CSMD1: variants seen among roughly 807,000 people sequenced by gnomAD.
The protein encoded by CSMD1 is CUB and sushi domain-containing protein 1.
A neutral mutation model predicts 417.5 loss-of-function variants in CSMD1; 213 were observed. The observed-to-expected ratio is 0.51, with a 90% CI of 0.46 to 0.57. The LOEUF (loss-of-function observed/expected upper bound fraction) is 0.57. CSMD1 is among the 20% of genes least tolerant of loss of function. The probability of loss-of-function intolerance (pLI) is 0.00; values close to 1 mark genes in which losing one functional copy is unlikely to be tolerated. For missense variants in CSMD1, 6,923 were observed against 4,529.7 expected, an observed-to-expected ratio of 1.53 and a Z score of -15.17; for synonymous variants, 2,862 against 1,736.8, an observed-to-expected ratio of 1.65 and a Z score of -16.11.
chr8:4,913,874 G>A (rs1016181852), intron 1 of CSMD1, among the ~76,000 whole-genome samples: 3 of 152,124 alleles, frequency 2.0e-5, no homozygotes, highest in African/African-American at 7.2e-5. Flanking sequence ...ATTATTGTTT[G>A]GATGGAACCC....
At chr8:4,445,718 G>A (rs1181246683) in intron 2 of CSMD1, among the ~76,000 whole-genome samples, 1 of 152,130 alleles carries the variant, frequency 6.6e-6, no homozygotes, top group Non-Finnish European at 1.5e-5. Flanking sequence ...TCTATTTGGG[G>A]GCGTAACGTT....
rs556742809 is a variant in CSMD1, at chr8:4,874,552, G to T, written c.85+119780C>A. Among the ~76,000 whole-genome samples, 3 of 151,696 alleles carry T rather than the reference G, an allele frequency of 2.0e-5. No homozygotes were observed. In the East Asian group the frequency reaches 5.8e-4, roughly 30 times the overall value. Reference sequence around the variant, plus strand: ...TTACGGGTGCCTGCCACCTCTCCCGGCTAATTTTTGTATTTTTTAGTAAAG... The same window carrying T: ...TTACGGGTGCCTGCCACCTCTCCCGTCTAATTTTTGTATTTTTTAGTAAAG... On this transcript the variant is annotated intron_variant, in intron 1 of 69. Coordinates refer to ENST00000635120, the MANE Select transcript of CSMD1 (RefSeq NM_033225.6).
chr8:3,454,564 A>C (rs909163614), intron 12 of CSMD1, among the ~76,000 whole-genome samples: 33 of 152,232 alleles, frequency 2.2e-4, no homozygotes, highest in African/African-American at 7.5e-4. Flanking sequence ...TTTCTCCTTC[A>C]CTTAAGAAAC....
intron 11 of CSMD1, among the ~76,000 whole-genome samples, chr8:3,491,098 G>C (rs1480024354): frequency 3.9e-5 from 6 of 152,240 alleles, no homozygotes; most frequent in Middle Eastern, 3.4e-3. Context: ...TACATACAAA[G>C]ATATTCACTT....
intron 4 of CSMD1, among the ~76,000 whole-genome samples, chr8:4,010,753 C>G (rs1351527422): frequency 6.6e-6 from 1 of 152,180 alleles, no homozygotes; most frequent in Non-Finnish European, 1.5e-5. Flanking sequence ...CCTTAGGGCT[C>G]ATGGCCTAAT....
chr8:3,043,449 C>T (rs1020226019), intron 50 of CSMD1, among the ~76,000 whole-genome samples: 1 of 151,952 alleles, frequency 6.6e-6, no homozygotes, highest in African/African-American at 2.4e-5. Flanking sequence ...ATAAACCTAT[C>T]ACTAGATATG....
intron 8 of CSMD1, among the ~76,000 whole-genome samples, chr8:3,613,486 T>G (rs1395799109): frequency 1.3e-5 from 2 of 151,968 alleles, no homozygotes; most frequent in Non-Finnish European, 2.9e-5. Flanking sequence ...CTCATAAAAA[T>G]ACCTGTAAAA....
chr8:3,057,515 T>C (rs1341688248), intron 49 of CSMD1, among the ~76,000 whole-genome samples: 1 of 152,084 alleles, frequency 6.6e-6, no homozygotes, highest in African/African-American at 2.4e-5. Context: ...AGAAAACATA[T>C]ATAAGTACAT....
At chr8:4,138,205 ATTTTTTTTT>A (rs562419797) in intron 3 of CSMD1, among the ~76,000 whole-genome samples, 1 of 69,466 alleles carries the variant, frequency 1.4e-5, no homozygotes, top group African/African-American at 4.0e-5. Context: ...GCAGCCTTAC[ATTTTTTTTT>A]TTTTTTTTTT....
intron 3 of CSMD1, among the ~76,000 whole-genome samples, chr8:4,107,232 G>A (rs1801614519): frequency 6.6e-6 from 1 of 152,168 alleles, no homozygotes; most frequent in Non-Finnish European, 1.5e-5. Flanking sequence ...AGTAGCTGGC[G>A]CCAGAATGGA....
intron 5 of CSMD1, among the ~76,000 whole-genome samples, chr8:3,802,590 G>C (rs530147805): frequency 1.3e-5 from 2 of 152,250 alleles, no homozygotes; most frequent in African/African-American, 2.4e-5. Context: ...GCTTATTGCA[G>C]GATGTAATTC....
At chr8:4,405,681 A>C (rs1314568366) in intron 3 of CSMD1, among the ~76,000 whole-genome samples, 1 of 152,226 alleles carries the variant, frequency 6.6e-6, no homozygotes, top group Non-Finnish European at 1.5e-5. Context: ...CTCATCGCTA[A>C]GCTCCATAAA....
chr8:4,465,724 G>T (rs148061965), intron 2 of CSMD1, among the ~76,000 whole-genome samples: 6 of 152,154 alleles, frequency 3.9e-5, no homozygotes, highest in African/African-American at 1.4e-4. Flanking sequence ...AAAGGATGCT[G>T]GTGTTTGGAG....
intron 3 of CSMD1, among the ~76,000 whole-genome samples, chr8:4,390,310 A>C (rs1400370321): frequency 6.6e-6 from 1 of 152,130 alleles, no homozygotes; most frequent in African/African-American, 2.4e-5. Context: ...CTCTTATTGA[A>C]GTTAATTGGG....
At chr8:4,232,101 G>T (rs1290535075) in intron 3 of CSMD1, among the ~76,000 whole-genome samples, 1 of 152,098 alleles carries the variant, frequency 6.6e-6, no homozygotes, top group African/African-American at 2.4e-5. Context: ...TCACATTCAT[G>T]CTTCTGATAC....
chr8:3,369,058 G>A (rs1201937752), intron 19 of CSMD1, among the ~76,000 whole-genome samples, 196 bp downstream of exon 19: 5 of 152,176 alleles, frequency 3.3e-5, no homozygotes, highest in South Asian at 4.1e-4. Context: ...AGAGCAAAAC[G>A]GGGAATGGTT....
chr8:3,785,349 G>C (rs923303115), intron 5 of CSMD1, among the ~76,000 whole-genome samples: 1 of 152,142 alleles, frequency 6.6e-6, no homozygotes, highest in African/African-American at 2.4e-5. Flanking sequence ...GCCTCAGTCA[G>C]CAGTGGAACC....
intron 41 of CSMD1, among the ~76,000 whole-genome samples, chr8:3,119,110 G>T (rs1240822799): frequency 1.3e-5 from 2 of 152,068 alleles, no homozygotes; most frequent in East Asian, 3.9e-4. Context: ...AACCTGGGAG[G>T]TGAAGTTTGC....
intron 3 of CSMD1, among the ~76,000 whole-genome samples, chr8:4,096,381 G>A (rs562555006): frequency 5.3e-5 from 8 of 149,966 alleles, no homozygotes; most frequent in Non-Finnish European, 1.2e-4. Context: ...ATGGCCTAGT[G>A]GATGCCTATG....
Sources: allele counts gnomAD v4.1 joint callset (sites outside exome capture counted in the v4.1 genomes callset), GRCh38; gene constraint gnomAD v4.1.1; transcripts MANE v1.5; gene names NCBI Gene and HGNC (gene_info 2026-07-23, HGNC 2026-07-21).